TAF7L: variants seen among roughly 807,000 people sequenced by gnomAD.
TAF7L encodes the protein transcription initiation factor TFIID subunit 7-like.
In TAF7L, 6 loss-of-function variants were observed where a neutral mutation model predicts 30.2. That is an observed-to-expected ratio of 0.20 (90% CI 0.11 to 0.39). The LOEUF is 0.39. TAF7L is among the 10% of genes least tolerant of loss of function. TAF7L has a pLI of 1.00. For missense variants in TAF7L, 284 were observed against 277.1 expected, an observed-to-expected ratio of 1.03 and a Z score of -0.18; for synonymous variants, 93 against 94.5, an observed-to-expected ratio of 0.98 and a Z score of 0.09.
intron 12 of TAF7L, among the ~76,000 whole-genome samples, chrX:101,270,720 A>G (rs776713482): frequency 9.0e-6 from 1 of 111,256 alleles, no homozygotes; most frequent in Non-Finnish European, 1.9e-5. Context: ...TGTAAATCCA[A>G]TCAATTGTTA....
In TAF7L at chrX:101,275,223, T is replaced by C. The variant is rs749323366; in HGVS notation, c.1085A>G (p.Lys362Arg). ...LELQEKQKNE[K>R]LISLQEQLQR... is the part of the protein sequence containing the mutation. Reference sequence around the variant, plus strand: ...TTAATTTGAAAACATACTTCTTACCTTCTCATTTTTTTGTTTTTCCTGTAA... The same window carrying C: ...TTAATTTGAAAACATACTTCTTACCCTCTCATTTTTTTGTTTTTCCTGTAA... Residue 362 changes from lysine to arginine, a missense_variant and splice_region_variant, in exon 12 of 13, where the codon AAG becomes AGG. Lys to Arg is a conservative substitution (Grantham distance 26). Transcript: ENST00000356784. 4.3e-6 allele frequency: 5 copies of C among 1,176,448 alleles called. No individual in the cohort carries two copies. The highest frequency in any genetic ancestry group is 4.6e-6 in the Non-Finnish European group (4 of 870,728).
intron 2 of TAF7L, 64 bp downstream of exon 2, chrX:101,287,414 T>G: frequency 1.4e-5 from 12 of 857,178 alleles, no homozygotes; most frequent in Non-Finnish European, 2.0e-5. Flanking sequence ...AGAATCCAAG[T>G]AGAACTATAA....
chrX:101,282,209 T>A, intron 5 of TAF7L, 118 bp downstream of exon 5: 1 of 975,548 alleles, frequency 1.0e-6, no homozygotes, highest in Non-Finnish European at 1.4e-6. Flanking sequence ...TTAAAGAGTA[T>A]CTGAGAACCT....
At chrX:101,283,906 T>C (rs933970605) in intron 3 of TAF7L, among the ~76,000 whole-genome samples, 2 of 82,949 alleles carry the variant, frequency 2.4e-5, no homozygotes, top group Admixed American at 2.4e-4. Flanking sequence ...AACCAATTCC[T>C]TTTTTTTTTT....
intron 12 of TAF7L, 52 bp downstream of exon 12, chrX:101,275,170 G>A (rs1431598603): frequency 1.1e-6 from 1 of 895,921 alleles, no homozygotes; most frequent in Non-Finnish European, 1.6e-6. Flanking sequence ...ATTGAAGTGG[G>A]GGATTCTCTG....
chrX:101,292,700 A>G, upstream of TAF7L: 3 of 1,116,386 alleles, frequency 2.7e-6, no homozygotes, highest in Non-Finnish European at 3.6e-6. Flanking sequence ...GGGGGCCGCA[A>G]TTCAAACAAA....
Position 101,276,467 on chromosome X carries a change from ATCC to A in TAF7L, c.750_752del (p.Glu250del), listed in dbSNP as rs771958615. On this transcript the variant is annotated inframe_deletion, in exon 10 of 13. Transcript: ENST00000356784. Reference sequence around the variant, plus strand: ...CCTCATCCTCATCTTCATCATCCTCATCCTCATCATCATCATTGTTACTTCTAG... The same window carrying A: ...CCTCATCCTCATCTTCATCATCCTCATCATCATCATCATTGTTACTTCTAG... 1.2e-5 allele frequency: 14 copies of A among 1,207,209 alleles called. No individual in the cohort carries two copies. The highest frequency in any genetic ancestry group is 1.6e-5 in the Non-Finnish European group (14 of 892,795).
At chrX:101,290,081 C>G (rs1924742880) in intron 1 of TAF7L, among the ~76,000 whole-genome samples, 1 of 109,947 alleles carries the variant, frequency 9.1e-6, no homozygotes, top group Non-Finnish European at 1.9e-5. Context: ...TGTATCTTTA[C>G]AGCTAGTTGG....
chrX:101,283,670 C>T, intron 3 of TAF7L, 87 bp from the exon 4 acceptor site: 1 of 1,004,358 alleles, frequency 1.0e-6, no homozygotes, highest in Non-Finnish European at 1.4e-6. Flanking sequence ...TTATGTGGGA[C>T]AGATTAGTCT....
At chrX:101,279,256 T>TGTA (rs1384250752) in intron 6 of TAF7L, among the ~76,000 whole-genome samples, 6 of 112,178 alleles carry the variant, frequency 5.3e-5, no homozygotes, top group Non-Finnish European at 1.1e-4. Flanking sequence ...AAGTTTAATG[T>TGTA]AATTCCTGCC....
At position 101,286,594 on chromosome X, in the gene TAF7L, T is replaced by C. The variant is rs767388926; in HGVS notation, c.126A>G (p.Lys42=). Reference sequence around the variant, plus strand: ...ACTTACGCAATAAGTCAATTTTTAGTTTATCCTTCATCTTGACACTTTGAG... The same window carrying C: ...ACTTACGCAATAAGTCAATTTTTAGCTTATCCTTCATCTTGACACTTTGAG... ...ARSQSVKMKD[K]LKIDLLPDGR... The change falls in exon 3 of 13, where the codon AAA becomes AAG. Residue 42 remains lysine, a synonymous_variant. Transcript: ENST00000356784. The C allele has an allele frequency of 2.5e-6, 3 of 1,207,293 alleles. No homozygotes were observed. Among genetic ancestry groups the C allele is most frequent in the South Asian group, 3.5e-5 (2 of 56,599 alleles).
At chrX:101,275,004 TC>T (rs1339068505) in intron 12 of TAF7L, among the ~76,000 whole-genome samples, 10 of 111,851 alleles carry the variant, frequency 8.9e-5, no homozygotes. Flanking sequence ...TTTGTCTTAT[TC>T]AACACCGTAC....
At chrX:101,284,612 G>A (rs180883739) in intron 3 of TAF7L, among the ~76,000 whole-genome samples, 1 of 112,080 alleles carries the variant, frequency 8.9e-6, no homozygotes, top group African/African-American at 3.2e-5. Flanking sequence ...TGATCCGCCC[G>A]CCTCAGCCTC....
Position 101,269,237 on chromosome X carries a change from G to C in TAF7L, c.1087C>G (p.Leu363Val), listed in dbSNP as rs374525660. The part of the protein sequence containing the change: ...ELQEKQKNEK[L>V]ISLQEQLQRF... Reference sequence around the variant, plus strand: ...TGCAACTGTTCCTGTAGGGAAATGAGCTGTAGGGAGAGGTAGAAAGACATG... The same window carrying C: ...TGCAACTGTTCCTGTAGGGAAATGACCTGTAGGGAGAGGTAGAAAGACATG... The change falls in exon 13 of 13, where the codon CTC (leucine) becomes GTC (valine). Residue 363 changes from leucine (L) to valine (V), a missense_variant and splice_region_variant. Leu to Val is a conservative substitution (Grantham distance 32). Transcript: ENST00000356784. 1 of 1,202,236 alleles carries C rather than the reference G, an allele frequency of 8.3e-7. No homozygotes were observed. The highest frequency in any genetic ancestry group is 1.8e-5 in the South Asian group (1 of 55,270).
At chrX:101,277,997 T>C (rs3788764) in intron 8 of TAF7L, 52 bp downstream of exon 8, 387,761 of 1,087,828 alleles carry the variant, frequency 0.36, 49,259 homozygotes, top group Middle Eastern at 0.44. Context: ...TTCGTCAGCA[T>C]GTACAAATGG....
At position 101,269,084 on chromosome X, in the gene TAF7L, T is replaced by C; in HGVS notation, c.*109A>G. 1.5e-6 allele frequency: 1 copy of C among 646,821 alleles called. No homozygotes were observed. Among genetic ancestry groups the C allele is most frequent in the South Asian group, 3.1e-5 (1 of 31,861 alleles). The allele number at this position is 646,821 out of a possible 1,213,427, so 53.3% of individuals were successfully genotyped here. On this transcript the variant is annotated 3_prime_UTR_variant, in exon 13 of 13. Coordinates refer to ENST00000356784, the MANE Select transcript of TAF7L (RefSeq NM_001168474.2). ...GTAGCAAAGAAGGTACAGATAAATA[T>C]AACTGATTCAACATAAGGCAACTGA... is the stretch of plus-strand genomic sequence containing the variant.
chrX:101,271,224 T>C (rs1488353995), intron 12 of TAF7L, among the ~76,000 whole-genome samples: 1 of 112,094 alleles, frequency 8.9e-6, no homozygotes, highest in Admixed American at 9.5e-5. Context: ...TACAGCTACA[T>C]TTCTATGCTG....
chrX:101,285,263 AGGTG>A (rs1231611801), intron 3 of TAF7L, among the ~76,000 whole-genome samples: 1 of 110,847 alleles, frequency 9.0e-6, no homozygotes, highest in African/African-American at 3.3e-5. Flanking sequence ...TGGGAGGCTG[AGGTG>A]GGTGGATCAC....
chrX:101,288,167 A>G (rs1365060518), intron 1 of TAF7L, among the ~76,000 whole-genome samples: 5 of 106,747 alleles, frequency 4.7e-5, no homozygotes, highest in Non-Finnish European at 9.7e-5. Flanking sequence ...TTCAAGACAG[A>G]GTCTCGCTCT....
Sources: allele counts gnomAD v4.1 joint callset (sites outside exome capture counted in the v4.1 genomes callset), GRCh38; gene constraint gnomAD v4.1.1; transcripts MANE v1.5; gene names NCBI Gene and HGNC (gene_info 2026-07-23, HGNC 2026-07-21).